The following CALCR variants were observed in gnomAD, a reference collection of about 807,000 sequenced individuals.
The protein encoded by CALCR is calcitonin receptor.
A neutral mutation model predicts 59.5 loss-of-function variants in CALCR; 47 were observed. The ratio of observed to expected loss-of-function variants is 0.79; its 90% confidence interval spans 0.63 to 1.01. CALCR has a LOEUF of 1.01. Ranked by LOEUF, CALCR falls within the 50% of genes least tolerant of loss-of-function variation. CALCR has a pLI of 0.00. For synonymous variants in CALCR, 213 were observed against 211.3 expected (o/e 1.01, Z -0.07); for missense variants, 566 against 597.1 (o/e 0.95, Z 0.54).
chr7:93,443,841 A>G (rs937879138), intron 8 of CALCR, 84 bp from the exon 9 acceptor site: 1 of 1,150,134 alleles, frequency 8.7e-7, no homozygotes, highest in South Asian at 1.4e-5. Context: ...AAAACAAGCC[A>G]AAGTATCTGC....
chr7:93,443,166 T>C (rs1187098985), intron 9 of CALCR, among the ~76,000 whole-genome samples: 2 of 152,126 alleles, frequency 1.3e-5, no homozygotes, highest in African/African-American at 4.8e-5. Flanking sequence ...GGAATCCTGA[T>C]GATGGATTGA....
chr7:93,477,988 A>AAAATAAAT (rs1203357473), intron 4 of CALCR, among the ~76,000 whole-genome samples: 4 of 122,052 alleles, frequency 3.3e-5, no homozygotes, highest in African/African-American at 1.2e-4. Context: ...AAAAAAAAAA[A>AAAATAAAT]AAAAAAATTC....
chr7:93,486,261 A>C (rs1463639431), intron 3 of CALCR, among the ~76,000 whole-genome samples: 2 of 151,604 alleles, frequency 1.3e-5, no homozygotes, highest in Non-Finnish European at 3.0e-5. Context: ...ATGGTAGGTT[A>C]ACAATGTTGA....
intron 2 of CALCR, among the ~76,000 whole-genome samples, 169 bp from the exon 3 acceptor site, chr7:93,487,176 G>A (rs939155985): frequency 2.6e-5 from 4 of 151,344 alleles, no homozygotes; most frequent in Non-Finnish European, 5.9e-5. Context: ...ATGCAGTGAA[G>A]ATTCCATTGC....
chr7:93,537,650 A>G (rs1190277323), intron 2 of CALCR, among the ~76,000 whole-genome samples: 1 of 151,798 alleles, frequency 6.6e-6, no homozygotes, highest in African/African-American at 2.4e-5. Flanking sequence ...CTAGCTTGTT[A>G]CAGTGCTTTC....
chr7:93,505,164 A>G (rs988744362), intron 2 of CALCR, among the ~76,000 whole-genome samples: 5 of 143,480 alleles, frequency 3.5e-5, no homozygotes, highest in East Asian at 1.9e-4. Flanking sequence ...GCTAAGTGGA[A>G]AAAAAAAAGC....
intron 3 of CALCR, among the ~76,000 whole-genome samples, chr7:93,480,427 C>T (rs1177843979): frequency 6.6e-6 from 1 of 151,754 alleles, no homozygotes; most frequent in East Asian, 2.0e-4. Flanking sequence ...CCTGCACTGA[C>T]TTTCCTTTTT....
chr7:93,528,845 G>A lies in CALCR; in HGVS notation c.-26-41838C>T, dbSNP rs188070018. Among the ~76,000 whole-genome samples, 277 of 152,212 alleles carry A rather than the reference G, an allele frequency of 1.8e-3. 1 individual carries two copies. The highest frequency in any genetic ancestry group is 6.4e-3 in the African/African-American group (267 of 41,530). On this transcript the variant is annotated intron_variant, in intron 2 of 13. Coordinates refer to ENST00000426151, the MANE Select transcript of CALCR (RefSeq NM_001742.4). ...AGGCTTCTGATGTACCCCCATTCAA[G>A]TTGCTAATTTAGCCTGATACTGATA...
chr7:93,565,490 C>A (rs114229213), intron 2 of CALCR, among the ~76,000 whole-genome samples: 1,774 of 152,250 alleles, frequency 0.012, 30 homozygotes, highest in African/African-American at 0.04. Flanking sequence ...ACTAAAATAA[C>A]ACATCTAATT....
chr7:93,538,618 T>A (rs914941803), intron 2 of CALCR, among the ~76,000 whole-genome samples: 3 of 151,684 alleles, frequency 2.0e-5, no homozygotes, highest in Non-Finnish European at 4.4e-5. Flanking sequence ...CTTAACCTGT[T>A]TTTTGTTTTT....
intron 2 of CALCR, among the ~76,000 whole-genome samples, chr7:93,520,496 CATT>C (rs1801739235): frequency 6.6e-6 from 1 of 152,060 alleles, no homozygotes; most frequent in Admixed American, 6.6e-5. Flanking sequence ...TTACAGTCCT[CATT>C]GTTCCTTATT....
Position 93,438,283 on chromosome 7 carries a change from A to G in CALCR, c.803-13T>C, listed in dbSNP as rs1416644653. 1 of 1,603,458 alleles carries G rather than the reference A, an allele frequency of 6.2e-7. No individual in the cohort carries two copies. The highest frequency in any genetic ancestry group is 8.5e-7 in the Non-Finnish European group (1 of 1,170,282). ...ACCAGCGGGAACCCTACAAATGTGA[A>G]AAGTACAAATCACACTTGGTTTCTT... On this transcript the variant is annotated splice_polypyrimidine_tract_variant and intron_variant, in intron 9 of 13. Coordinates refer to ENST00000426151, the MANE Select transcript of CALCR (RefSeq NM_001742.4).
chr7:93,472,312 G>A (rs977846814), intron 6 of CALCR, 63 bp downstream of exon 6: 41 of 947,124 alleles, frequency 4.3e-5, no homozygotes, highest in South Asian at 1.0e-4. Context: ...ACAGTTATGC[G>A]TCCATTTCCT....
At chr7:93,507,778 C>T (rs890978391) in intron 2 of CALCR, among the ~76,000 whole-genome samples, 1 of 149,902 alleles carries the variant, frequency 6.7e-6, no homozygotes, top group Non-Finnish European at 1.5e-5. Context: ...AAAAATTTAG[C>T]CAGGCATGGT....
chr7:93,553,535 C>T (rs569704831), intron 2 of CALCR, among the ~76,000 whole-genome samples: 18 of 151,836 alleles, frequency 1.2e-4, no homozygotes, highest in African/African-American at 3.9e-4. Flanking sequence ...ATGGTAAAGA[C>T]ACAGAGTGGG....
intron 3 of CALCR, among the ~76,000 whole-genome samples, chr7:93,486,370 G>A (rs1020541652): frequency 1.3e-5 from 2 of 151,496 alleles, no homozygotes; most frequent in Admixed American, 6.6e-5. Flanking sequence ...TACACAAACT[G>A]AACATAATTT....
At chr7:93,484,883 AGGAG>A (rs1800906909) in intron 3 of CALCR, among the ~76,000 whole-genome samples, 1 of 151,766 alleles carries the variant, frequency 6.6e-6, no homozygotes, top group East Asian at 2.0e-4. Context: ...TATACCTCGC[AGGAG>A]GGAGAGGAAT....
At chr7:93,463,069 T>C (rs1324207261) in intron 7 of CALCR, among the ~76,000 whole-genome samples, 1 of 151,956 alleles carries the variant, frequency 6.6e-6, no homozygotes, top group African/African-American at 2.4e-5. Context: ...TAAGCAATTT[T>C]CCAGTACACC....
chr7:93,468,689 A>T, intron 7 of CALCR, 26 bp downstream of exon 7: 1 of 1,469,730 alleles, frequency 6.8e-7, no homozygotes, highest in Non-Finnish European at 9.5e-7. Flanking sequence ...GAGGAAATAA[A>T]GAGCAGATGC....
Sources: allele counts gnomAD v4.1 joint callset (sites outside exome capture counted in the v4.1 genomes callset), GRCh38; gene constraint gnomAD v4.1.1; transcripts MANE v1.5; gene names NCBI Gene and HGNC (gene_info 2026-07-23, HGNC 2026-07-21).